Variants in EPB41L3 observed in about 807,000 individuals in gnomAD.
EPB41L3 encodes the protein erythrocyte membrane protein band 4.1 like 3.
A neutral mutation model predicts 127.1 loss-of-function variants in EPB41L3; 57 were observed. The ratio of observed to expected loss-of-function variants is 0.45; its 90% CI spans 0.36 to 0.56. EPB41L3 has a LOEUF of 0.56. EPB41L3 is among the 20% of genes least tolerant of loss of function. The pLI is 0.00. For missense variants in EPB41L3, 1,273 were observed against 1,372.2 expected (o/e 0.93, Z 1.14); for synonymous variants, 572 against 549.5 (o/e 1.04, Z -0.57).
chr18:5,583,295 T>C (rs2094412147), intron 3 of EPB41L3, among the ~76,000 whole-genome samples: 1 of 152,158 alleles, frequency 6.6e-6, no homozygotes, highest in Non-Finnish European at 1.5e-5. Flanking sequence ...ACTCACTGCA[T>C]AGAGGAAGTC....
Position 5,484,086 on chromosome 18 carries a change from C to CAAAAA in EPB41L3, c.183+4910_183+4914dup, listed in dbSNP as rs57231548. 1.0e-3 allele frequency among the ~76,000 whole-genome samples: 19 copies of CAAAAA among 18,260 alleles called. 2 individuals carry two copies. The highest frequency in any genetic ancestry group is 1.5e-3 in the Non-Finnish European group (11 of 7,580). The allele number at this position is 18,260 out of a possible 152,430, so 12.0% of individuals were successfully genotyped here. A position where few individuals can be genotyped will look rare whatever the true frequency, so the allele number is the denominator to read the frequency against. On this transcript the variant is annotated intron_variant, in intron 2 of 22. Transcript: ENST00000341928. ...GCTATAAAACAAGTCCAAACAAACT[C>CAAAAA]AAAAAAAAAAAAAAAAAAAAAAAAA... is the stretch of plus-strand genomic sequence containing the variant.
Position 5,481,701 on chromosome 18 carries a change from A to C in EPB41L3, c.184-3263T>G, listed in dbSNP as rs2088566272. Reference sequence around the variant, plus strand: ...AGACACTGAATCAGAGTGGCTGTTCAGCAGCACCACACTGGAGAAGGCACA... The same window carrying C: ...AGACACTGAATCAGAGTGGCTGTTCCGCAGCACCACACTGGAGAAGGCACA... On this transcript the variant is annotated intron_variant, in intron 2 of 22. Coordinates refer to ENST00000341928, the MANE Select transcript of EPB41L3 (RefSeq NM_012307.5). Among the ~76,000 whole-genome samples the C allele has an allele frequency of 1.3e-5, 2 of 152,210 alleles. 1 individual carries two copies. The highest frequency in any genetic ancestry group is 2.9e-5 in the Non-Finnish European group (2 of 68,032).
At chr18:5,591,351 AT>A (rs34019888) in intron 3 of EPB41L3, among the ~76,000 whole-genome samples, 60,433 of 151,950 alleles carry the variant, frequency 0.4, 12,750 homozygotes, top group Non-Finnish European at 0.47. Flanking sequence ...GCGCCATCAG[AT>A]TTGGTGTCTG....
At chr18:5,461,166 T>C (rs994356603) in intron 3 of EPB41L3, among the ~76,000 whole-genome samples, 1 of 152,200 alleles carries the variant, frequency 6.6e-6, no homozygotes, top group Non-Finnish European at 1.5e-5. Flanking sequence ...GGGGTAATCA[T>C]TTAAAACCAT....
rs1451924448 is a variant in EPB41L3, at chr18:5,394,662, G to GGC, written c.*6+13_*6+14dup. The GGC allele has an allele frequency of 3.1e-6, 5 of 1,601,194 alleles. No homozygotes were observed. Among genetic ancestry groups the GGC allele is most frequent in the Non-Finnish European group, 4.3e-6 (5 of 1,168,902 alleles). On this transcript the variant is annotated intron_variant, in intron 22 of 22. Coordinates refer to ENST00000341928, the MANE Select transcript of EPB41L3 (RefSeq NM_012307.5). ...CCAGCCTAGGCAAGCCTAGAGAATC[G>GGC]GCATCACCTCTTACCTCTGGTCAAT... is the stretch of plus-strand genomic sequence containing the variant.
At chr18:5,459,211 T>C (rs77695107) in intron 3 of EPB41L3, among the ~76,000 whole-genome samples, 2,155 of 152,190 alleles carry the variant, frequency 0.014, 58 homozygotes, top group African/African-American at 0.05. Flanking sequence ...GGAAAGAGGA[T>C]TGCCTGGTCC....
chr18:5,398,094 C>G lies in EPB41L3; in HGVS notation c.2399G>C (p.Ser800Thr). Residue 800 changes from serine (S) to threonine (T), a missense_variant, in exon 17 of 23, where the codon AGT (serine) becomes ACT (threonine). By Grantham distance (58) the Ser-to-Thr change is moderately conservative. Coordinates refer to ENST00000341928, the MANE Select transcript of EPB41L3 (RefSeq NM_012307.5). ...TGGTTTTCGCGCAGACTCTAATAAACTGAAGATTTCAGAGCCATCCATGAG... is the reference window on the plus strand; with the variant it reads ...TGGTTTTCGCGCAGACTCTAATAAAGTGAAGATTTCAGAGCCATCCATGAG... ...EKLMDGSEIF[S>T]LLESARKPTE... 1.2e-6 allele frequency: 2 copies of G among 1,614,164 alleles called. No homozygotes were observed. Among genetic ancestry groups the G allele is most frequent in the Non-Finnish European group, 1.7e-6 (2 of 1,180,034 alleles).
At chr18:5,486,022 C>T (rs976082556) in intron 2 of EPB41L3, among the ~76,000 whole-genome samples, 3 of 151,942 alleles carry the variant, frequency 2.0e-5, no homozygotes, top group African/African-American at 7.2e-5. Context: ...CAAAAGACCC[C>T]GAATAGCCAA....
At chr18:5,491,564 A>G (rs536905020) in intron 1 of EPB41L3, among the ~76,000 whole-genome samples, 2 of 152,340 alleles carry the variant, frequency 1.3e-5, no homozygotes, top group East Asian at 3.9e-4. Flanking sequence ...TCTAAAGAAT[A>G]AAATAATGTA....
At chr18:5,469,216 T>G (rs2085600617) in intron 3 of EPB41L3, among the ~76,000 whole-genome samples, 1 of 152,196 alleles carries the variant, frequency 6.6e-6, no homozygotes, top group African/African-American at 2.4e-5. Context: ...GCTGCACCCC[T>G]TCTGGGAGCC....
At chr18:5,593,046 T>C (rs1190829171) in intron 3 of EPB41L3, among the ~76,000 whole-genome samples, 1 of 152,132 alleles carries the variant, frequency 6.6e-6, no homozygotes, top group Non-Finnish European at 1.5e-5. Flanking sequence ...TAAAAACCAG[T>C]GCCAGGGCCC....
intron 1 of EPB41L3, among the ~76,000 whole-genome samples, chr18:5,518,265 A>G (rs1336156376): frequency 6.6e-6 from 1 of 151,522 alleles, no homozygotes; most frequent in East Asian, 2.0e-4. Flanking sequence ...CTCCAACCAC[A>G]CTGGCTTCCC....
At chr18:5,574,908 C>T (rs969026816) in intron 3 of EPB41L3, among the ~76,000 whole-genome samples, 1 of 152,138 alleles carries the variant, frequency 6.6e-6, no homozygotes, top group Non-Finnish European at 1.5e-5. Context: ...TAAGAGCCCT[C>T]CAAGCCAATC....
intron 3 of EPB41L3, among the ~76,000 whole-genome samples, chr18:5,582,514 T>A (rs2094402773): frequency 2.0e-5 from 3 of 152,222 alleles, no homozygotes; most frequent in African/African-American, 7.2e-5. Context: ...TGTTTACTTT[T>A]TAAATGCTAA....
rs542381189 is a variant in EPB41L3, at chr18:5,531,296, C to A, written c.-12+12617G>T. 4.6e-5 allele frequency among the ~76,000 whole-genome samples: 7 copies of A among 152,214 alleles called. No homozygotes were observed. The East Asian group carries it at 1.2e-3, about 25-fold the overall frequency. ...TTCAAAAGAGGAGGAGTTGTCACAG[C>A]CAAATTCTGGATTTTGGTTAGCCAG... On this transcript the variant is annotated intron_variant, in intron 1 of 22. Coordinates refer to ENST00000341928, the MANE Select transcript of EPB41L3 (RefSeq NM_012307.5).
At chr18:5,462,686 A>T (rs772657428) in intron 3 of EPB41L3, among the ~76,000 whole-genome samples, 7 of 152,154 alleles carry the variant, frequency 4.6e-5, no homozygotes, top group South Asian at 2.1e-4. Flanking sequence ...AAAGGTTAGT[A>T]TCCCCCAGAG....
intron 20 of EPB41L3, 112 bp downstream of exon 20, chr18:5,395,497 G>A (rs528085637): frequency 1.0e-6 from 1 of 978,254 alleles, no homozygotes; most frequent in Non-Finnish European, 1.6e-6. Context: ...CCGGCGTCCT[G>A]AGCTTCAAGC....
chr18:5,433,929 T>G lies in EPB41L3; in HGVS notation c.798A>C (p.Lys266Asn). Reference protein sequence around the residue: ...APNHTKELEDKVIELHKSHRG... With the variant: ...APNHTKELEDNVIELHKSHRG... ...TGTGGCTCTTGTGCAGCTCGATCAC[T>G]TTGTCTTCCAGTTCTTTAGTGTGGT... The change falls in exon 7 of 23, where the codon AAA becomes AAC. Residue 266 changes from lysine to asparagine, a missense_variant. This residue lies in a region of EPB41L3 where 326 missense variants were observed against 440.2 expected (regional missense o/e 0.74). Coordinates refer to ENST00000341928, the MANE Select transcript of EPB41L3 (RefSeq NM_012307.5). 1.4e-5 allele frequency: 22 copies of G among 1,614,206 alleles called. No homozygotes were observed. Among genetic ancestry groups the G allele is most frequent in the Non-Finnish European group, 1.9e-5 (22 of 1,180,042 alleles).
intron 3 of EPB41L3, among the ~76,000 whole-genome samples, chr18:5,574,114 G>T (rs1448907944): frequency 6.6e-6 from 1 of 151,970 alleles, no homozygotes; most frequent in Non-Finnish European, 1.5e-5. Context: ...TTAACAGTGT[G>T]TCCTTCACAG....
Sources: allele counts gnomAD v4.1 joint callset (sites outside exome capture counted in the v4.1 genomes callset), GRCh38; gene constraint gnomAD v4.1.1; regional missense constraint gnomAD v4.1.1; transcripts MANE v1.5; gene names NCBI Gene and HGNC (gene_info 2026-07-23, HGNC 2026-07-21).